The following SPACA7 variants were observed in gnomAD, a reference collection of about 807,000 sequenced individuals.
SPACA7 encodes sperm acrosome-associated protein 7.
Under a neutral mutation model 26.3 loss-of-function variants are expected in SPACA7, and 19 were observed. That is an observed-to-expected ratio of 0.72 (90% confidence interval 0.50 to 1.06). The LOEUF (loss-of-function observed/expected upper bound fraction) is 1.06, where lower values mean the gene tolerates loss of function less well. Among genes scored for constraint, SPACA7 ranks in the 50% least tolerant of loss-of-function variants. The probability of loss-of-function intolerance (pLI) is 0.00; values close to 1 mark genes in which losing one functional copy is unlikely to be tolerated. For synonymous variants in SPACA7, 84 were observed against 84.5 expected, an observed-to-expected ratio of 0.99 and a Z score of 0.04; for missense variants, 211 against 229.9, an observed-to-expected ratio of 0.92 and a Z score of 0.53.
intron 2 of SPACA7, among the ~76,000 whole-genome samples, chr13:112,397,135 C>G (rs1354712939): frequency 6.6e-6 from 1 of 152,210 alleles, no homozygotes; most frequent in Non-Finnish European, 1.5e-5. Flanking sequence ...TTTTATCGGT[C>G]GTATTGGTGA....
At chr13:112,388,962 G>A (rs1409978117) in intron 1 of SPACA7, among the ~76,000 whole-genome samples, 1 of 152,188 alleles carries the variant, frequency 6.6e-6, no homozygotes, top group Non-Finnish European at 1.5e-5. Flanking sequence ...GGTGCCAGCT[G>A]ATCCATCAAG....
intron 1 of SPACA7, among the ~76,000 whole-genome samples, chr13:112,383,139 AAGAAAGAAAGAAAGAAAGAAAGAAAG>A (rs1884267392): frequency 3.8e-5 from 2 of 52,262 alleles, no homozygotes; most frequent in Non-Finnish European, 7.3e-5. Context: ...GAAAGAAAGA[AAGAAAGAAAGAAAGAAAGAAAGAAAG>A]AAAGAAAGAA....
chr13:112,419,538 C>G (rs1450327353), intron 5 of SPACA7, among the ~76,000 whole-genome samples: 2 of 152,178 alleles, frequency 1.3e-5, no homozygotes, highest in Non-Finnish European at 2.9e-5. Context: ...AAAGCACAAG[C>G]AAAGATCTAT....
chr13:112,376,571 C>A, intron 1 of SPACA7, 92 bp downstream of exon 1: 1 of 1,336,638 alleles, frequency 7.5e-7, no homozygotes. Flanking sequence ...TTATTCCCAA[C>A]CTACATGAAT....
rs758290942 is a variant in SPACA7 at position 112,392,198 on chromosome 13, CTG to C, written c.95-820_95-819del. Among the ~76,000 whole-genome samples, 17 of 152,292 alleles carry C rather than the reference CTG, an allele frequency of 1.1e-4. 1 individual carries two copies. Among genetic ancestry groups the C allele is most frequent in the Non-Finnish European group, 1.9e-4 (13 of 68,038 alleles). ...ACGCCACACCTCCAATAAAGAAAAA[CTG>C]TGAATGGCAGAAGCAGGGAACTACT... On this transcript the variant is annotated intron_variant, in intron 1 of 6. Coordinates refer to ENST00000283550, the MANE Select transcript of SPACA7 (RefSeq NM_145248.5).
chr13:112,434,519 C>G lies in SPACA7; in HGVS notation c.558C>G (p.Ser186Arg). ...NIFHKEQQRT[S>R]AQRRSQGSQ Reference sequence around the variant, plus strand: ...TCCATAAAGAGCAGCAGAGGACCAGCGCACAGAGGAGGAGCCAAGGCAGTC... The same window carrying G: ...TCCATAAAGAGCAGCAGAGGACCAGGGCACAGAGGAGGAGCCAAGGCAGTC... Residue 186 changes from serine (S) to arginine (R), a missense_variant, in exon 7 of 7, where the codon AGC (serine) becomes AGG (arginine). Transcript: ENST00000283550. 1 of 1,610,378 alleles carries G rather than the reference C, an allele frequency of 6.2e-7. No homozygotes were observed. Among genetic ancestry groups the G allele is most frequent in the Middle Eastern group, 1.7e-4 (1 of 5,724 alleles).
intron 1 of SPACA7, among the ~76,000 whole-genome samples, chr13:112,384,293 C>T (rs955362384): frequency 4.6e-5 from 7 of 151,978 alleles, no homozygotes; most frequent in Non-Finnish European, 1.0e-4. Flanking sequence ...AAATTTGTTA[C>T]CTCTGTATCA....
At chr13:112,413,368 GTT>G (rs34886428) in intron 5 of SPACA7, among the ~76,000 whole-genome samples, 7 of 147,978 alleles carry the variant, frequency 4.7e-5, no homozygotes, top group African/African-American at 1.7e-4. Context: ...TGGAAGAGTT[GTT>G]TTTTTTTTTC....
At chr13:112,403,245 T>C (rs2138969039) in intron 5 of SPACA7, among the ~76,000 whole-genome samples, 1 of 152,282 alleles carries the variant, frequency 6.6e-6, no homozygotes, top group South Asian at 2.1e-4. Context: ...TTCTTCTTGG[T>C]TTTCAAATGT....
intron 5 of SPACA7, among the ~76,000 whole-genome samples, chr13:112,420,429 T>A (rs1875835089): frequency 6.6e-6 from 1 of 152,024 alleles, no homozygotes; most frequent in South Asian, 2.1e-4. Context: ...TTTCTTAAAT[T>A]AAGAATTTCT....
chr13:112,413,792 G>A (rs1294316754), intron 5 of SPACA7, among the ~76,000 whole-genome samples: 1 of 152,088 alleles, frequency 6.6e-6, no homozygotes, highest in African/African-American at 2.4e-5. Context: ...ATTTTTAAAT[G>A]GCCTAAGTAT....
At chr13:112,396,209 CT>C (rs779365417) in intron 2 of SPACA7, among the ~76,000 whole-genome samples, 1 of 151,128 alleles carries the variant, frequency 6.6e-6, no homozygotes, top group Non-Finnish European at 1.5e-5. Context: ...AGGTCAGGGA[CT>C]GTGGGTACAG....
intron 5 of SPACA7, 121 bp downstream of exon 5, chr13:112,401,285 C>A: frequency 1.4e-6 from 1 of 694,098 alleles, no homozygotes; most frequent in Non-Finnish European, 2.5e-6. Flanking sequence ...TTTCCACCAA[C>A]ATCATGGTGA....
chr13:112,421,318 T>C (rs535087374), intron 5 of SPACA7, among the ~76,000 whole-genome samples: 1 of 151,518 alleles, frequency 6.6e-6, no homozygotes, highest in Admixed American at 6.6e-5. Context: ...CATGAGGTGA[T>C]AAATTACTAT....
intron 1 of SPACA7, among the ~76,000 whole-genome samples, chr13:112,377,217 A>T (rs1371822037): frequency 6.6e-6 from 1 of 152,206 alleles, no homozygotes; most frequent in South Asian, 2.1e-4. Context: ...TGAAGCATTT[A>T]TATTTTTTGT....
intron 1 of SPACA7, among the ~76,000 whole-genome samples, chr13:112,389,848 C>T (rs1034103357): frequency 6.6e-6 from 1 of 152,200 alleles, no homozygotes; most frequent in Non-Finnish European, 1.5e-5. Flanking sequence ...AGGTTACCCA[C>T]TCAATAAGGG....
At chr13:112,419,291 T>A (rs1250086618) in intron 5 of SPACA7, among the ~76,000 whole-genome samples, 1 of 152,268 alleles carries the variant, frequency 6.6e-6, no homozygotes, top group Admixed American at 6.5e-5. Context: ...GTGTGGGATA[T>A]AATATGCATT....
At chr13:112,402,543 T>C (rs1885715640) in intron 5 of SPACA7, among the ~76,000 whole-genome samples, 1 of 152,246 alleles carries the variant, frequency 6.6e-6, no homozygotes, top group African/African-American at 2.4e-5. Flanking sequence ...CTAATTGCAT[T>C]GACTGATATA....
intron 5 of SPACA7, among the ~76,000 whole-genome samples, chr13:112,414,351 A>G (rs2139016712): frequency 7.0e-6 from 1 of 141,920 alleles, no homozygotes; most frequent in Admixed American, 7.2e-5. Context: ...TCTTTCATTA[A>G]ATTAATCTGA....
Sources: allele counts gnomAD v4.1 joint callset (sites outside exome capture counted in the v4.1 genomes callset), GRCh38; gene constraint gnomAD v4.1.1; transcripts MANE v1.5; gene names NCBI Gene and HGNC (gene_info 2026-07-23, HGNC 2026-07-21).